Variants in ABLIM1 observed in about 807,000 individuals in gnomAD.
The protein encoded by ABLIM1 is actin binding LIM protein 1.
In ABLIM1, 40 loss-of-function variants were observed where a neutral mutation model predicts 107.0. The observed-to-expected ratio is 0.37, with a 90% CI of 0.29 to 0.49. ABLIM1 has a LOEUF of 0.49. Among genes scored for constraint, ABLIM1 ranks in the 20% least tolerant of loss-of-function variants. The probability of loss-of-function intolerance (pLI) is 0.97; values close to 1 mark genes in which losing one functional copy is unlikely to be tolerated. For missense variants in ABLIM1, 857 were observed against 1,008.5 expected, an observed-to-expected ratio of 0.85 and a Z score of 2.04; for synonymous variants, 357 against 357.3, an observed-to-expected ratio of 1.00 and a Z score of 0.01.
chr10:114,725,317 G>A (rs1444089676), intron 1 of ABLIM1, among the ~76,000 whole-genome samples: 1 of 152,120 alleles, frequency 6.6e-6, no homozygotes, highest in African/African-American at 2.4e-5. Context: ...ACAAGCAACA[G>A]AGACAAAGAC....
intron 6 of ABLIM1, among the ~76,000 whole-genome samples, chr10:114,535,372 A>G (rs1167514730): frequency 2.6e-5 from 4 of 152,006 alleles, no homozygotes; most frequent in African/African-American, 9.7e-5. Flanking sequence ...GTGCAGTTGC[A>G]TGATCTTGGC....
At chr10:114,514,422 G>A (rs2062469796) in intron 6 of ABLIM1, among the ~76,000 whole-genome samples, 1 of 152,158 alleles carries the variant, frequency 6.6e-6, no homozygotes, top group South Asian at 2.1e-4. Context: ...TGCCCAGGCT[G>A]GAATGCAGTG....
chr10:114,699,348 G>A (rs1307280412), intron 1 of ABLIM1, among the ~76,000 whole-genome samples: 1 of 152,060 alleles, frequency 6.6e-6, no homozygotes, highest in Non-Finnish European at 1.5e-5. Context: ...GTCTGCTTCT[G>A]CAGTGAAGAA....
At chr10:114,675,844 G>A (rs896660109) in intron 1 of ABLIM1, among the ~76,000 whole-genome samples, 7 of 152,198 alleles carry the variant, frequency 4.6e-5, no homozygotes, top group Non-Finnish European at 1.0e-4. Context: ...ATTCCTCTCT[G>A]CTACTCTCTG....
intron 1 of ABLIM1, among the ~76,000 whole-genome samples, chr10:114,627,347 C>T (rs2077878915): frequency 6.6e-6 from 1 of 152,196 alleles, no homozygotes; most frequent in South Asian, 2.1e-4. Flanking sequence ...TACTTGGAAG[C>T]TAAGTCTCCC....
the ABLIM1 span, among the ~76,000 whole-genome samples, chr10:114,787,710 G>A: frequency 7.6e-6 from 1 of 131,052 alleles, no homozygotes; most frequent in African/African-American, 2.8e-5. Context: ...GGAGGTGGGG[G>A]GGTCAGCCCC....
chr10:114,547,825 T>A (rs779619575), intron 4 of ABLIM1, 49 bp from the exon 5 acceptor site: 6 of 1,589,960 alleles, frequency 3.8e-6, no homozygotes, highest in Non-Finnish European at 4.3e-6. Flanking sequence ...CTTTGCTAAA[T>A]CCAAGCAGGC....
rs114864822 is a variant in ABLIM1 at position 114,612,504 on chromosome 10, C to T, written c.245-10543G>A. On this transcript the variant is annotated intron_variant, in intron 1 of 22. Coordinates refer to ENST00000533213, the MANE Select transcript of ABLIM1 (RefSeq NM_002313.7). ...AAGACAGAGCCCCCACAGCCTCAGC[C>T]TGGCACACAGATGCCCATGTCAGCT... Among the ~76,000 whole-genome samples, 834 of 152,330 alleles carry T rather than the reference C, an allele frequency of 5.5e-3. 6 individuals carry two copies. The highest frequency in any genetic ancestry group is 0.019 in the African/African-American group (783 of 41,578).
intron 6 of ABLIM1, among the ~76,000 whole-genome samples, chr10:114,536,468 G>A (rs1331703684): frequency 4.0e-5 from 6 of 151,598 alleles, no homozygotes; most frequent in Non-Finnish European, 7.4e-5. Flanking sequence ...GGCTGGTCTC[G>A]AACTCCCGAC....
At chr10:114,477,621 A>G (rs1403945910) in intron 8 of ABLIM1, among the ~76,000 whole-genome samples, 1 of 152,202 alleles carries the variant, frequency 6.6e-6, no homozygotes, top group African/African-American at 2.4e-5. Context: ...CAACGCACGC[A>G]CATGTAGGGA....
intron 4 of ABLIM1, among the ~76,000 whole-genome samples, chr10:114,564,599 C>T (rs920321294): frequency 6.6e-6 from 1 of 152,108 alleles, no homozygotes; most frequent in Non-Finnish European, 1.5e-5. Flanking sequence ...GGTCCCCTCT[C>T]CCCATTTAGA....
chr10:114,704,656 G>A (rs1441542448), intron 1 of ABLIM1, among the ~76,000 whole-genome samples: 2 of 151,560 alleles, frequency 1.3e-5, no homozygotes, highest in Non-Finnish European at 2.9e-5. Flanking sequence ...GGGAGAAAGA[G>A]AAAACGGGCA....
chr10:114,588,313 A>G (rs567964643), intron 2 of ABLIM1, among the ~76,000 whole-genome samples: 3 of 151,740 alleles, frequency 2.0e-5, no homozygotes, highest in Admixed American at 6.6e-5. Context: ...AGTTCTGTCT[A>G]TTCTTTAGTT....
At chr10:114,463,682 C>T (rs576107807) in intron 12 of ABLIM1, among the ~76,000 whole-genome samples, 23 of 151,990 alleles carry the variant, frequency 1.5e-4, no homozygotes, top group Non-Finnish European at 2.6e-4. Flanking sequence ...TATATGATCC[C>T]GAGAACTTCA....
chr10:114,769,533 AAAGG>A (rs939865601), upstream of ABLIM1, among the ~76,000 whole-genome samples: 10 of 147,318 alleles, frequency 6.8e-5, no homozygotes, highest in African/African-American at 1.2e-4. Context: ...AGGAGAAAAG[AAAGG>A]AAGGAAGGAA....
chr10:114,667,694 C>T (rs574928703), intron 1 of ABLIM1, among the ~76,000 whole-genome samples: 18 of 152,340 alleles, frequency 1.2e-4, no homozygotes, highest in African/African-American at 3.8e-4. Context: ...CCTGCCCTCA[C>T]ACCATAGCCA....
intron 2 of ABLIM1, among the ~76,000 whole-genome samples, chr10:114,600,322 T>C (rs150746903): frequency 1.2e-3 from 176 of 152,306 alleles, no homozygotes; most frequent in Middle Eastern, 3.4e-3. Flanking sequence ...AAATAATCCC[T>C]CTGAGATGTG....
intron 1 of ABLIM1, among the ~76,000 whole-genome samples, chr10:114,669,664 T>C (rs2080169808): frequency 6.6e-6 from 1 of 152,222 alleles, no homozygotes; most frequent in East Asian, 1.9e-4. Flanking sequence ...CATTTTCTGA[T>C]GGAAACCAAT....
At chr10:114,542,589 G>GGAAGGAGGAA (rs57756334) in intron 6 of ABLIM1, among the ~76,000 whole-genome samples, 73,989 of 149,944 alleles carry the variant, frequency 0.49, 18,535 homozygotes, top group Non-Finnish European at 0.54. Context: ...AGGAGGAGGA[G>GGAAGGAGGAA]GAAGGAGGAA....
Sources: allele counts gnomAD v4.1 joint callset (sites outside exome capture counted in the v4.1 genomes callset), GRCh38; gene constraint gnomAD v4.1.1; transcripts MANE v1.5; gene names NCBI Gene and HGNC (gene_info 2026-07-23, HGNC 2026-07-21).